Variants in CMIP observed in about 807,000 individuals in gnomAD.
CMIP encodes the protein C-Maf-inducing protein.
A neutral mutation model predicts 97.3 loss-of-function variants in CMIP; 13 were observed. The observed-to-expected ratio is 0.13, with a 90% CI of 0.09 to 0.21. The LOEUF (loss-of-function observed/expected upper bound fraction) is 0.21. CMIP is among the 10% of genes least tolerant of loss of function. CMIP has a pLI of 1.00. For synonymous variants in CMIP, 538 were observed against 436.3 expected, an observed-to-expected ratio of 1.23 and a Z score of -2.91; for missense variants, 847 against 1,024.9, an observed-to-expected ratio of 0.83 and a Z score of 2.37.
chr16:81,483,702 C>G (rs537071726), intron 1 of CMIP, among the ~76,000 whole-genome samples: 1 of 152,312 alleles, frequency 6.6e-6, no homozygotes, highest in Admixed American at 6.5e-5. Flanking sequence ...GCCCACAGTC[C>G]AGTCTGGGGA....
intron 1 of CMIP, among the ~76,000 whole-genome samples, chr16:81,509,926 G>C (rs1051976752): frequency 6.6e-6 from 1 of 152,202 alleles, no homozygotes; most frequent in Non-Finnish European, 1.5e-5. Flanking sequence ...CCTTTGTCAG[G>C]AGCTCCGGAC....
At chr16:81,530,588 G>C (rs774679992) in intron 1 of CMIP, among the ~76,000 whole-genome samples, 1 of 152,046 alleles carries the variant, frequency 6.6e-6, no homozygotes, top group Admixed American at 6.6e-5. Flanking sequence ...AAAAGCCTGC[G>C]CCTTTATTCA....
intron 1 of CMIP, among the ~76,000 whole-genome samples, chr16:81,449,544 A>T (rs1024863483): frequency 1.3e-5 from 2 of 152,184 alleles, no homozygotes; most frequent in African/African-American, 4.8e-5. Context: ...ACGAGAACTC[A>T]TCTGTGCCCA....
intron 1 of CMIP, among the ~76,000 whole-genome samples, chr16:81,587,587 A>C (rs2091403192): frequency 6.6e-6 from 1 of 152,186 alleles, no homozygotes; most frequent in South Asian, 2.1e-4. Flanking sequence ...TGAAAAAACC[A>C]AAGGTGCTAG....
At position 81,691,810 on chromosome 16, in the gene CMIP, G is replaced by C; in HGVS notation, c.1424G>C (p.Ser475Thr). The C allele has an allele frequency of 1.2e-6, 2 of 1,613,920 alleles. No homozygotes were observed. Among genetic ancestry groups the C allele is most frequent in the Non-Finnish European group, 1.7e-6 (2 of 1,179,842 alleles). The change falls in exon 11 of 21, where the codon AGT becomes ACT. Residue 475 changes from serine (S) to threonine (T), a missense_variant. Physicochemically the swap from Ser to Thr is moderately conservative, Grantham distance 58. This residue lies in a region of CMIP where 202 missense variants were observed against 168.7 expected (regional missense o/e 1.20). Transcript: ENST00000537098. ...DYDDWRPSLASLLQPIPFPKE... is the reference protein window; with the variant it reads ...DYDDWRPSLATLLQPIPFPKE... ...GATGACTGGAGACCGTCTCTGGCCA[G>C]TTTGCTTCAACCCATTCCATTCCCC...
chr16:81,603,247 T>G (rs1201256611), intron 1 of CMIP, among the ~76,000 whole-genome samples: 1 of 152,020 alleles, frequency 6.6e-6, no homozygotes, highest in Non-Finnish European at 1.5e-5. Context: ...GCCTGGCTCG[T>G]TTTTTTAGTA....
At chr16:81,656,689 G>A (rs1230111448) in intron 4 of CMIP, among the ~76,000 whole-genome samples, 1 of 152,220 alleles carries the variant, frequency 6.6e-6, no homozygotes, top group Admixed American at 6.5e-5. Context: ...CCAGGCTGGA[G>A]TGTGGTGGCA....
intron 1 of CMIP, among the ~76,000 whole-genome samples, chr16:81,479,113 G>C (rs1283607847): frequency 1.3e-5 from 2 of 152,186 alleles, no homozygotes; most frequent in African/African-American, 4.8e-5. Flanking sequence ...CTGGGGGGAG[G>C]GGGAAGGAGC....
At chr16:81,679,896 C>T (rs1429766091) in intron 10 of CMIP, among the ~76,000 whole-genome samples, 1 of 152,178 alleles carries the variant, frequency 6.6e-6, no homozygotes, top group Non-Finnish European at 1.5e-5. Context: ...CCCCACAGAG[C>T]CATGTGGTTC....
intron 1 of CMIP, among the ~76,000 whole-genome samples, chr16:81,486,645 A>G (rs968306379): frequency 1.3e-5 from 2 of 152,106 alleles, no homozygotes; most frequent in African/African-American, 2.4e-5. Flanking sequence ...GGGCCGGCCC[A>G]TTGCCCGGTC....
chr16:81,613,356 G>A (rs894213288), intron 2 of CMIP, among the ~76,000 whole-genome samples: 1 of 152,160 alleles, frequency 6.6e-6, no homozygotes, highest in Non-Finnish European at 1.5e-5. Flanking sequence ...TTCCAGGGCT[G>A]GATTGCAGGG....
chr16:81,468,565 C>T (rs1468790985), intron 1 of CMIP, among the ~76,000 whole-genome samples: 2 of 152,280 alleles, frequency 1.3e-5, no homozygotes, highest in Non-Finnish European at 2.9e-5. Context: ...AGTTAGGCAT[C>T]GTGCCTGAAG....
chr16:81,705,745 C>T (rs1189396081), intron 19 of CMIP, 141 bp downstream of exon 19: 7 of 601,616 alleles, frequency 1.2e-5, no homozygotes, highest in Admixed American at 5.6e-5. Flanking sequence ...TCACTGCACA[C>T]CTGCTGTGGA....
At chr16:81,516,341 T>C (rs545061253) in intron 1 of CMIP, among the ~76,000 whole-genome samples, 1 of 152,330 alleles carries the variant, frequency 6.6e-6, no homozygotes, top group African/African-American at 2.4e-5. Flanking sequence ...AACGTTCTTC[T>C]AGCTCCCCCG....
chr16:81,473,637 C>T (rs1055127327), intron 1 of CMIP, among the ~76,000 whole-genome samples: 1 of 151,504 alleles, frequency 6.6e-6, no homozygotes, highest in Admixed American at 6.6e-5. Flanking sequence ...GGCTTGGACG[C>T]TTGTGTTGGA....
intron 7 of CMIP, among the ~76,000 whole-genome samples, chr16:81,668,894 C>T (rs947065871): frequency 2.3e-5 from 3 of 131,178 alleles, no homozygotes; most frequent in African/African-American, 8.4e-5. Context: ...CTTCCGTACC[C>T]ACCTCACACC....
intron 1 of CMIP, among the ~76,000 whole-genome samples, chr16:81,545,573 A>G (rs974947967): frequency 6.6e-6 from 1 of 152,116 alleles, no homozygotes. Flanking sequence ...TCCTCCATCT[A>G]CAGATGGAAG....
chr16:81,550,580 G>A (rs1312741271), intron 1 of CMIP, among the ~76,000 whole-genome samples: 1 of 152,182 alleles, frequency 6.6e-6, no homozygotes, highest in Non-Finnish European at 1.5e-5. Context: ...TGTGCTCTAG[G>A]TGTGGCCTGG....
chr16:81,478,789 C>G (rs779662837), intron 1 of CMIP, among the ~76,000 whole-genome samples: 5 of 152,200 alleles, frequency 3.3e-5, no homozygotes, highest in Non-Finnish European at 7.3e-5. Context: ...TCCAGAGGCA[C>G]TCAGGGAGGG....
Sources: gnomAD v4.1 joint callset for allele counts (sites outside exome capture counted in the v4.1 genomes callset) on GRCh38, gnomAD v4.1.1 for gene constraint, gnomAD v4.1.1 regional missense constraint, MANE v1.5 for transcripts, NCBI Gene and HGNC (gene_info 2026-07-23, HGNC 2026-07-21) for gene names.